NKX6-3: variants seen among roughly 807,000 people sequenced by gnomAD.
NKX6-3 encodes the protein homeobox protein Nkx-6.3.
A neutral mutation model predicts 22.0 loss-of-function variants in NKX6-3; 17 were observed. The observed-to-expected ratio is 0.77, with a 90% confidence interval of 0.53 to 1.16. The LOEUF is 1.16. Among genes scored for constraint, NKX6-3 ranks in the 50% most tolerant of loss-of-function variants. NKX6-3 has a pLI of 0.00. For synonymous variants in NKX6-3, 177 were observed against 167.2 expected (o/e 1.06, Z -0.45); for missense variants, 363 against 359.0 (o/e 1.01, Z -0.09).
intron 2 of NKX6-3, among the ~76,000 whole-genome samples, chr8:41,647,795 A>G (rs1336093927): frequency 6.6e-6 from 1 of 152,036 alleles, no homozygotes; most frequent in East Asian, 1.9e-4. Flanking sequence ...ACTGATCTTC[A>G]TCTGCGAAAT....
chr8:41,650,346 G>T lies in NKX6-3; in HGVS notation c.147C>A (p.Ala49=). Residue 49 remains alanine, a synonymous_variant, in exon 1 of 3, where the codon GCC becomes GCA. Transcript: ENST00000518699. ...SPPGLGPQLA[A]GTPHGITDIL... is the part of the protein sequence containing the mutation. ...TGTCCGTGATCCCGTGGGGGGTTCC[G>T]GCGGCCAGCTGGGGGCCCAGCCCTG... 1 of 1,534,892 alleles carries T rather than the reference G, an allele frequency of 6.5e-7. No homozygotes were observed. Among genetic ancestry groups the T allele is most frequent in the South Asian group, 1.2e-5 (1 of 83,948 alleles).
At chr8:41,647,414 A>C (rs1563289827) in intron 2 of NKX6-3, 8 of 1,492,436 alleles carry the variant, frequency 5.4e-6, no homozygotes, top group Non-Finnish European at 6.2e-6. Flanking sequence ...TTGCCCCCAG[A>C]CTCTAAGGCG....
chr8:41,647,892 C>T (rs1388420515), intron 2 of NKX6-3, among the ~76,000 whole-genome samples, 174 bp downstream of exon 2: 4 of 152,156 alleles, frequency 2.6e-5, no homozygotes, highest in East Asian at 1.9e-4. Context: ...CAGCCTTTCC[C>T]GGCTATGGTT....
chr8:41,649,236 G>A (rs1371522947), intron 1 of NKX6-3, among the ~76,000 whole-genome samples: 2 of 152,164 alleles, frequency 1.3e-5, no homozygotes, highest in African/African-American at 4.8e-5. Flanking sequence ...AGTAGCAAAT[G>A]GGGGGACAGG....
At chr8:41,646,795 A>T in intron 2 of NKX6-3, 101 bp from the exon 3 acceptor site, 1 of 1,440,242 alleles carries the variant, frequency 6.9e-7, no homozygotes, top group East Asian at 2.5e-5. Flanking sequence ...TCAACAACGG[A>T]GTGACTGTCA....
chr8:41,647,429 A>T (rs1299548455), intron 2 of NKX6-3: 1 of 1,429,098 alleles, frequency 7.0e-7, no homozygotes, highest in Non-Finnish European at 9.2e-7. Context: ...AAGGCGGTAG[A>T]AACCGGTTTC....
intron 2 of NKX6-3, 31 bp from the exon 3 acceptor site, chr8:41,646,725 G>C (rs1387968656): frequency 1.3e-6 from 2 of 1,524,958 alleles, no homozygotes; most frequent in Admixed American, 4.5e-5. Flanking sequence ...AAGGGCACAG[G>C]GGCACAGCGC....
At chr8:41,646,730 C>CA in intron 2 of NKX6-3, 36 bp from the exon 3 acceptor site, 1 of 1,523,018 alleles carries the variant, frequency 6.6e-7, no homozygotes, top group Non-Finnish European at 8.7e-7. Flanking sequence ...CACAGGGGCA[C>CA]AGCGCGCACG....
At position 41,648,072 on chromosome 8, in the gene NKX6-3, C is replaced by T. The variant is rs771286638; in HGVS notation, c.546G>A (p.Gln182=). The change falls in exon 2 of 3, where the codon CAG becomes CAA. Residue 182 remains glutamine (Q), a synonymous_variant. Transcript: ENST00000518699. ...ATCTCCCGCACAGACTTACCTTGAC[C>T]TGCGACTCGGTCATGCCCAGTGAGT... ...LAYSLGMTES[Q]VKVWFQNRRT... The T allele has an allele frequency of 8.4e-5, 129 of 1,533,498 alleles. No homozygotes were observed. Among genetic ancestry groups the T allele is most frequent in the Admixed American group, 3.7e-4 (19 of 50,932 alleles). The allele number at this position is 1,533,498 out of a possible 1,614,324, so 95.0% of individuals were successfully genotyped here.
intron 1 of NKX6-3, among the ~76,000 whole-genome samples, chr8:41,648,889 C>A (rs887170883): frequency 1.3e-5 from 2 of 152,260 alleles, no homozygotes; most frequent in Admixed American, 1.3e-4. Context: ...TGCAGTCTGA[C>A]AGCTCAAGTT....
At chr8:41,647,075 A>C (rs760209894) in intron 2 of NKX6-3, 236 of 1,117,214 alleles carry the variant, frequency 2.1e-4, no homozygotes, top group Non-Finnish European at 2.9e-4. Flanking sequence ...GCTTATGAGC[A>C]GTCCCTACTC....
Position 41,650,506 on chromosome 8 carries a change from G to T in NKX6-3, c.-14C>A, listed in dbSNP as rs1223356717. 6.5e-7 allele frequency: 1 copy of T among 1,534,112 alleles called. No homozygotes were observed. Among genetic ancestry groups the T allele is most frequent in the Middle Eastern group, 1.7e-4 (1 of 5,856 alleles). On this transcript the variant is annotated 5_prime_UTR_variant, in exon 1 of 3. The change creates a new upstream start codon in the 5' untranslated region. Coordinates refer to ENST00000518699, the MANE Select transcript of NKX6-3 (RefSeq NM_001364841.2). ...GTTGGACTCCATGATCTCCCAGTCAGGACAGGGAAGGCTTCTCCAGGCCCC... is the reference window on the plus strand; with the variant it reads ...GTTGGACTCCATGATCTCCCAGTCATGACAGGGAAGGCTTCTCCAGGCCCC...
rs1209628839 is a variant in NKX6-3 at position 41,648,190 on chromosome 8, C to T, written c.428G>A (p.Arg143Gln). 6.5e-7 allele frequency: 1 copy of T among 1,538,134 alleles called. No individual in the cohort carries two copies. The highest frequency in any genetic ancestry group is 1.2e-5 in the South Asian group (1 of 84,050). Residue 143 changes from arginine to glutamine, a missense_variant, in exon 2 of 3, where the codon CGG (arginine) becomes CAG (glutamine). Coordinates refer to ENST00000518699, the MANE Select transcript of NKX6-3 (RefSeq NM_001364841.2). The part of the protein sequence containing the change: ...SDSIHKKKHT[R>Q]PTFTGHQIFA... ...GATCTGGTGCCCCGTGAAGGTGGGC[C>T]GGGTGTGCTTCTTCTTGTGTATGCT...
Position 41,648,239 on chromosome 8 carries a change from G to C in NKX6-3, c.383-4C>G. 3 of 1,532,672 alleles carry C rather than the reference G, an allele frequency of 2.0e-6. No homozygotes were observed. In the South Asian group the frequency reaches 3.6e-5, roughly 18 times the overall value. The allele number at this position is 1,532,672 out of a possible 1,614,324, so 94.9% of individuals were successfully genotyped here. A position where few individuals can be genotyped will look rare whatever the true frequency, so the allele number is the denominator to read the frequency against. ...CTGTCACTCAGGGGGTCTGGGGCTG[G>C]CAGGAGGAAGGAAGTGTGGGGTTAG... is the stretch of plus-strand genomic sequence containing the variant. On this transcript the variant is annotated splice_region_variant and splice_polypyrimidine_tract_variant and intron_variant, in intron 1 of 2. Coordinates refer to ENST00000518699, the MANE Select transcript of NKX6-3 (RefSeq NM_001364841.2).
chr8:41,647,778 G>A (rs929628793), intron 2 of NKX6-3, among the ~76,000 whole-genome samples: 1 of 152,038 alleles, frequency 6.6e-6, no homozygotes, highest in Non-Finnish European at 1.5e-5. Context: ...TCTCCCAGCC[G>A]GGAGACACTG....
chr8:41,646,299 T>A lies in NKX6-3; in HGVS notation c.*150A>T. On this transcript the variant is annotated 3_prime_UTR_variant, in exon 3 of 3. Coordinates refer to ENST00000518699, the MANE Select transcript of NKX6-3 (RefSeq NM_001364841.2). Reference sequence around the variant, plus strand: ...TCCCCCGCCTCCCCTCCTCCTCCCCTGCACCTGCTGCTCCTCCTCCACGCG... The same window carrying A: ...TCCCCCGCCTCCCCTCCTCCTCCCCAGCACCTGCTGCTCCTCCTCCACGCG... 1.8e-5 allele frequency: 18 copies of A among 974,980 alleles called. No homozygotes were observed. The highest frequency in any genetic ancestry group is 2.2e-5 in the Non-Finnish European group (15 of 678,332). The allele number at this position is 974,980 out of a possible 1,614,324, so 60.4% of individuals were successfully genotyped here. A position where few individuals can be genotyped will look rare whatever the true frequency, so the allele number is the denominator to read the frequency against.
In NKX6-3 at chr8:41,650,092, G is replaced by A; in HGVS notation, c.382+19C>T. On this transcript the variant is annotated intron_variant, in intron 1 of 2. Transcript: ENST00000518699. ...GCCTGGCGGGTGCCGGGAGGTGGCT[G>A]GGGAGGACCCGTACTCACTGTTGCT... 1 of 1,520,670 alleles carries A rather than the reference G, an allele frequency of 6.6e-7. No homozygotes were observed. Among genetic ancestry groups the A allele is most frequent in the Non-Finnish European group, 8.8e-7 (1 of 1,138,800 alleles). 94.2% of individuals were successfully genotyped at this position (1,520,670 alleles called of 1,614,324 possible). A position where few individuals can be genotyped will look rare whatever the true frequency, so the allele number is the denominator to read the frequency against.
Position 41,646,747 on chromosome 8 carries a change from G to A in NKX6-3, c.553-53C>T. The stretch of plus-strand genomic sequence containing the variant: ...CAGGGGCACAGCGCGCACGGGACGC[G>A]AGAACAGCCATCCTGCTTTTACAGC... On this transcript the variant is annotated intron_variant, in intron 2 of 2. Transcript: ENST00000518699. 2.0e-6 allele frequency: 3 copies of A among 1,514,158 alleles called. No individual in the cohort carries two copies. The South Asian group carries it at 3.7e-5, about 19-fold the overall frequency. The allele number at this position is 1,514,158 out of a possible 1,614,324, so 93.8% of individuals were successfully genotyped here. A position where few individuals can be genotyped will look rare whatever the true frequency, so the allele number is the denominator to read the frequency against.
chr8:41,650,041 C>T, intron 1 of NKX6-3, 70 bp downstream of exon 1: 3 of 1,449,036 alleles, frequency 2.1e-6, no homozygotes, highest in Non-Finnish European at 2.7e-6. Flanking sequence ...CGGGAGGAGG[C>T]CCCTCCTCGT....
Sources: allele counts gnomAD v4.1 joint callset (sites outside exome capture counted in the v4.1 genomes callset), GRCh38; gene constraint gnomAD v4.1.1; transcripts MANE v1.5; gene names NCBI Gene and HGNC (gene_info 2026-07-23, HGNC 2026-07-21).